The following FAM222B variants were observed in gnomAD, a reference collection of about 807,000 sequenced individuals.
FAM222B encodes protein FAM222B.
Under a neutral mutation model 38.0 loss-of-function variants are expected in FAM222B, and 12 were observed. The ratio of observed to expected loss-of-function variants is 0.32; its 90% CI spans 0.20 to 0.51. FAM222B has a LOEUF of 0.51. Ranked by LOEUF, FAM222B falls within the 20% of genes least tolerant of loss-of-function variation. The pLI, the probability that FAM222B is intolerant of heterozygous loss-of-function variation, is 0.97. For missense variants in FAM222B, 716 were observed against 754.2 expected (o/e 0.95, Z 0.59); for synonymous variants, 329 against 317.2 (o/e 1.04, Z -0.40).
chr17:28,758,966 G>A lies in FAM222B; in HGVS notation c.993C>T (p.His331=), dbSNP rs767373332. The A allele has an allele frequency of 6.2e-6, 10 of 1,611,366 alleles. No individual in the cohort carries two copies. Among genetic ancestry groups the A allele is most frequent in the East Asian group, 4.5e-5 (2 of 44,794 alleles). The part of the protein sequence containing the change: ...SCVVNPMEHT[H]AATAALPAAG... ...CAGCAGGCAACGCGGCGGTGGCCGC[G>A]TGGGTGTGCTCCATGGGATTGACCA... Residue 331 remains histidine, a synonymous_variant, in exon 3 of 3, where the codon CAC becomes CAT. Coordinates refer to ENST00000581407, the MANE Select transcript of FAM222B (RefSeq NM_001077498.3).
At chr17:28,807,551 A>G (rs1444008977) in intron 1 of FAM222B, among the ~76,000 whole-genome samples, 1 of 151,754 alleles carries the variant, frequency 6.6e-6, no homozygotes, top group Non-Finnish European at 1.5e-5. Flanking sequence ...ATGCCCAGCT[A>G]ATTTTCATAT....
intron 1 of FAM222B, among the ~76,000 whole-genome samples, chr17:28,806,210 T>G (rs2037491398): frequency 2.0e-5 from 3 of 152,164 alleles, no homozygotes; most frequent in Admixed American, 2.0e-4. Context: ...GTCTATACTT[T>G]GCCTGCTTGC....
upstream of FAM222B, among the ~76,000 whole-genome samples, chr17:28,846,072 G>A (rs1327302861): frequency 2.0e-5 from 3 of 151,820 alleles, no homozygotes; most frequent in Non-Finnish European, 4.4e-5. Flanking sequence ...GCATGGTGGC[G>A]GGCGCCTGTA....
chr17:28,759,119 T>G lies in FAM222B; in HGVS notation c.840A>C (p.Ala280=). The G allele has an allele frequency of 6.2e-7, 1 of 1,611,604 alleles. No individual in the cohort carries two copies. Among genetic ancestry groups the G allele is most frequent in the Non-Finnish European group, 8.5e-7 (1 of 1,178,942 alleles). The change falls in exon 3 of 3, where the codon GCA becomes GCC. Residue 280 remains alanine, a synonymous_variant. Coordinates refer to ENST00000581407, the MANE Select transcript of FAM222B (RefSeq NM_001077498.3). This position sits in a 1 kb window ranked among gnomAD's most constrained non-coding sequence, Gnocchi z 4.8. ...CACACACTGAGGTAGTGCTGATGCC[T>G]GCCCTCGTCTGGCAAAACTGGTTGA... The part of the protein sequence containing the change: ...HQINQFCQTR[A]GISTTSVCEG...
At chr17:28,766,052 G>GATAT (rs10626388) in intron 2 of FAM222B, among the ~76,000 whole-genome samples, 193 of 150,674 alleles carry the variant, frequency 1.3e-3, no homozygotes, top group South Asian at 8.0e-3. Flanking sequence ...TTTTAAGGGT[G>GATAT]ATATATATAT....
intron 1 of FAM222B, among the ~76,000 whole-genome samples, chr17:28,851,458 C>T (rs542713259): frequency 2.0e-5 from 3 of 151,986 alleles, no homozygotes; most frequent in South Asian, 2.1e-4. Flanking sequence ...AGCTTGAACC[C>T]GGGAGGCAGA....
intron 1 of FAM222B, chr17:28,854,790 G>T (rs1250555657): frequency 2.5e-6 from 1 of 401,726 alleles, no homozygotes; most frequent in Non-Finnish European, 4.4e-6. Flanking sequence ...TTTGGCAGAA[G>T]AAAAAAATAC....
chr17:28,790,886 T>A (rs1461512127), intron 1 of FAM222B, among the ~76,000 whole-genome samples: 6,504 of 56,958 alleles, frequency 0.11, 1,789 homozygotes, highest in Non-Finnish European at 0.17. Context: ...TTGTTTCACT[T>A]TTTTTTTTTT....
rs182289132 is a variant in FAM222B at position 28,840,947 on chromosome 17, C to A, written c.-41+1735G>T. ...CTGCACTCCAGCCTGGGTGACAGAG[C>A]AAGACTCCTTCACCCACCTCAAAAA... On this transcript the variant is annotated intron_variant, in intron 1 of 2. Coordinates refer to ENST00000581407, the MANE Select transcript of FAM222B (RefSeq NM_001077498.3). Among the ~76,000 whole-genome samples the A allele has an allele frequency of 7.5e-4, 112 of 150,090 alleles. 1 individual carries two copies. Among genetic ancestry groups the A allele is most frequent in the Non-Finnish European group, 1.2e-3 (80 of 67,640 alleles).
intron 1 of FAM222B, among the ~76,000 whole-genome samples, chr17:28,784,243 G>C (rs1366447418): frequency 2.0e-5 from 3 of 152,034 alleles, no homozygotes; most frequent in Non-Finnish European, 4.4e-5. Context: ...GGAGGCTGAG[G>C]TAGGAAGACT....
chr17:28,775,672 G>T (rs1296406705), intron 1 of FAM222B, among the ~76,000 whole-genome samples: 1 of 151,876 alleles, frequency 6.6e-6, no homozygotes, highest in East Asian at 1.9e-4. Flanking sequence ...CTTGAGGTCA[G>T]GAGTTCGTGA....
intron 1 of FAM222B, among the ~76,000 whole-genome samples, chr17:28,805,255 G>A (rs1026532272): frequency 2.6e-5 from 4 of 152,128 alleles, no homozygotes; most frequent in Non-Finnish European, 5.9e-5. Context: ...CTACTCAAGA[G>A]GCTGAGATGG....
chr17:28,854,825 C>T, intron 1 of FAM222B: 1 of 502,532 alleles, frequency 2.0e-6, no homozygotes, highest in Non-Finnish European at 3.4e-6. Context: ...TCCAAAACTA[C>T]CGTCATGCTT....
At chr17:28,773,906 T>A (rs9908881) in intron 1 of FAM222B, among the ~76,000 whole-genome samples, 28,750 of 152,038 alleles carry the variant, frequency 0.19, 2,859 homozygotes, top group South Asian at 0.3. Context: ...ACGTCAAGAA[T>A]CAGATCCTGC....
chr17:28,837,679 C>T (rs1299155589), intron 1 of FAM222B, among the ~76,000 whole-genome samples: 1 of 149,956 alleles, frequency 6.7e-6, no homozygotes, highest in Admixed American at 6.6e-5. Context: ...GACGGAGTCT[C>T]GCTCGCTGTT....
At chr17:28,800,825 A>C (rs891792955) in intron 1 of FAM222B, among the ~76,000 whole-genome samples, 3 of 150,792 alleles carry the variant, frequency 2.0e-5, no homozygotes, top group African/African-American at 7.3e-5. Flanking sequence ...GTGGATTCTT[A>C]ATTAAGCTAC....
At chr17:28,801,433 G>C (rs141114876) in intron 1 of FAM222B, among the ~76,000 whole-genome samples, 1 of 137,918 alleles carries the variant, frequency 7.3e-6, no homozygotes, top group Admixed American at 7.7e-5. Flanking sequence ...CAGTCTGGGC[G>C]ACAGCGAGAC....
At chr17:28,829,574 C>G (rs2038585021) in intron 1 of FAM222B, among the ~76,000 whole-genome samples, 1 of 152,158 alleles carries the variant, frequency 6.6e-6, no homozygotes, top group Admixed American at 6.6e-5. Flanking sequence ...ATCATACAGA[C>G]CATAGCCTTT....
Position 28,759,258 on chromosome 17 carries a change from G to C in FAM222B, c.701C>G (p.Pro234Arg). Reference sequence around the variant, plus strand: ...CACATTCGGGGGGGCATCTGAGTCTGGCATCTTCCGGCCTCCATGCAGCAA... The same window carrying C: ...CACATTCGGGGGGGCATCTGAGTCTCGCATCTTCCGGCCTCCATGCAGCAA... ...NPLLHGGRKM[P>R]DSDAPPNVTV... The change falls in exon 3 of 3, where the codon CCA (proline) becomes CGA (arginine). Residue 234 changes from proline to arginine, a missense_variant. Coordinates refer to ENST00000581407, the MANE Select transcript of FAM222B (RefSeq NM_001077498.3). This position sits in a 1 kb window ranked among gnomAD's most constrained non-coding sequence, Gnocchi z 4.8. 1 of 1,613,534 alleles carries C rather than the reference G, an allele frequency of 6.2e-7. No homozygotes were observed. The highest frequency in any genetic ancestry group is 8.5e-7 in the Non-Finnish European group (1 of 1,179,758).
Sources: allele counts gnomAD v4.1 joint callset (sites outside exome capture counted in the v4.1 genomes callset), GRCh38; gene constraint gnomAD v4.1.1; non-coding constraint Gnocchi (gnomAD v3.1); transcripts MANE v1.5; gene names NCBI Gene and HGNC (gene_info 2026-07-23, HGNC 2026-07-21).